Variants in MAPK6 observed in about 807,000 individuals in gnomAD.
MAPK6 encodes mitogen-activated protein kinase 6.
In MAPK6, 19 loss-of-function variants were observed where a neutral mutation model predicts 59.3. That is an observed-to-expected ratio of 0.32 (90% confidence interval 0.22 to 0.47). The LOEUF is 0.47. MAPK6 is among the 20% of genes least tolerant of loss of function. The pLI, the probability that MAPK6 is intolerant of heterozygous loss-of-function variation, is 1.00. For synonymous variants in MAPK6, 316 were observed against 290.3 expected (o/e 1.09, Z -0.90); for missense variants, 724 against 847.9 (o/e 0.85, Z 1.81).
chr15:51,999,845 T>A (rs1169772481), intron 2 of MAPK6, among the ~76,000 whole-genome samples: 1 of 152,030 alleles, frequency 6.6e-6, no homozygotes, highest in Admixed American at 6.6e-5. Context: ...GGTTTCACCA[T>A]GTTGCCTAGG....
chr15:52,040,679 C>T (rs989280781), intron 1 of MAPK6, among the ~76,000 whole-genome samples: 3 of 152,150 alleles, frequency 2.0e-5, no homozygotes, highest in African/African-American at 7.2e-5. Flanking sequence ...CTCCCAGTAC[C>T]AGCATTACTC....
chr15:51,998,022 C>A (rs2057230600), intron 2 of MAPK6, among the ~76,000 whole-genome samples: 2 of 151,920 alleles, frequency 1.3e-5, no homozygotes, highest in African/African-American at 4.8e-5. Flanking sequence ...CAGCTCACTG[C>A]AACCTCTACC....
chr15:51,972,035 G>T (rs1469083659), intron 1 of MAPK6, among the ~76,000 whole-genome samples: 1 of 152,100 alleles, frequency 6.6e-6, no homozygotes, highest in Non-Finnish European at 1.5e-5. Context: ...GGCGCTCTCT[G>T]GGGAAGGGCC....
chr15:51,972,205 C>T (rs1250033951), intron 1 of MAPK6, among the ~76,000 whole-genome samples: 3 of 152,150 alleles, frequency 2.0e-5, no homozygotes, highest in African/African-American at 4.8e-5. Context: ...GTGGCGCGAT[C>T]TCGGCTCACA....
intron 2 of MAPK6, among the ~76,000 whole-genome samples, chr15:51,986,499 G>A (rs1224863204): frequency 6.6e-6 from 1 of 151,872 alleles, no homozygotes; most frequent in African/African-American, 2.4e-5. Flanking sequence ...TTTATTTTTT[G>A]TTTGACTTTT....
At chr15:52,062,662 G>C (rs899486008) in intron 5 of MAPK6, among the ~76,000 whole-genome samples, 4 of 152,186 alleles carry the variant, frequency 2.6e-5, no homozygotes, top group Admixed American at 6.5e-5. Context: ...CTACTCAGGA[G>C]GCTGAGGCAG....
At chr15:52,008,841 G>C (rs1009639177) in intron 3 of MAPK6, among the ~76,000 whole-genome samples, 2 of 152,132 alleles carry the variant, frequency 1.3e-5, no homozygotes, top group African/African-American at 4.8e-5. Context: ...CCAGACCTAG[G>C]GGATTGCCAG....
At chr15:52,004,037 C>T (rs2057250313) in intron 2 of MAPK6, 1 of 152,210 alleles carries the variant, frequency 6.6e-6, no homozygotes, top group African/African-American at 2.4e-5. Flanking sequence ...TTCCCTATCT[C>T]CCTTTTCCTT....
chr15:51,977,355 G>A (rs993031836), intron 1 of MAPK6, among the ~76,000 whole-genome samples: 3 of 151,660 alleles, frequency 2.0e-5, no homozygotes, highest in South Asian at 2.1e-4. Context: ...AAAGGAAAGA[G>A]TAATGGTATC....
chr15:52,018,412 T>G (rs2030343552), upstream of MAPK6, among the ~76,000 whole-genome samples: 1 of 152,206 alleles, frequency 6.6e-6, no homozygotes, highest in Non-Finnish European at 1.5e-5. Context: ...TATGTCTGGT[T>G]CTCAGCAAGA....
chr15:51,980,317 G>A lies in MAPK6; in HGVS notation c.-879-2889G>A, dbSNP rs146215733. 3.4e-3 allele frequency among the ~76,000 whole-genome samples: 513 copies of A among 150,754 alleles called. 2 individuals are homozygous for A. Among genetic ancestry groups the A allele is most frequent in the African/African-American group, 0.012 (494 of 41,230 alleles). Reference sequence around the variant, plus strand: ...TTAAAAAAAAAAAAGAAAAAAAAATGTGGATACCAAAATGTCAGTAGTGTT... The same window carrying A: ...TTAAAAAAAAAAAAGAAAAAAAAATATGGATACCAAAATGTCAGTAGTGTT... On this transcript the variant is annotated intron_variant, in intron 1 of 7. Transcript: ENST00000691380.
At chr15:52,040,176 G>A (rs909645183) in intron 1 of MAPK6, among the ~76,000 whole-genome samples, 2 of 152,334 alleles carry the variant, frequency 1.3e-5, no homozygotes, top group South Asian at 4.1e-4. Flanking sequence ...ATGATCTCAG[G>A]GAAGGGTGAA....
chr15:52,026,478 A>G (rs763954605), intron 1 of MAPK6, among the ~76,000 whole-genome samples: 1 of 152,058 alleles, frequency 6.6e-6, no homozygotes, highest in East Asian at 2.0e-4. Flanking sequence ...TTTAGTAGAG[A>G]TGGGGTTTCA....
intron 1 of MAPK6, among the ~76,000 whole-genome samples, chr15:51,980,065 T>C (rs1198448493): frequency 6.6e-6 from 1 of 151,456 alleles, no homozygotes; most frequent in Non-Finnish European, 1.5e-5. Flanking sequence ...GAGGCCAAGG[T>C]GGGCAGATCA....
intron 3 of MAPK6, among the ~76,000 whole-genome samples, chr15:52,053,827 A>G (rs1224547074): frequency 4.6e-5 from 7 of 151,358 alleles, no homozygotes; most frequent in Non-Finnish European, 1.5e-5. Flanking sequence ...TTTAGTAGAG[A>G]CGGGGTTCAC....
intron 1 of MAPK6, among the ~76,000 whole-genome samples, chr15:52,031,476 G>A (rs1484638356): frequency 2.6e-5 from 4 of 152,130 alleles, no homozygotes; most frequent in Non-Finnish European, 5.9e-5. Flanking sequence ...TAGTGTAAGG[G>A]TATATGTCCA....
chr15:51,974,704 A>T (rs1283529514), intron 1 of MAPK6, among the ~76,000 whole-genome samples: 1 of 145,180 alleles, frequency 6.9e-6, no homozygotes, highest in Non-Finnish European at 1.5e-5. Flanking sequence ...ATTTGTTCCT[A>T]GGAATGGAGA....
At chr15:52,050,269 C>T (rs984869191) in intron 3 of MAPK6, 132 bp downstream of exon 3, 18 of 788,178 alleles carry the variant, frequency 2.3e-5, no homozygotes, top group Middle Eastern at 6.8e-4. Context: ...GATAAATTGG[C>T]GTTTTTAATA....
At position 52,067,056 on chromosome 15, in the gene MAPK6, T is replaced by C. The variant is rs1012830203; in HGVS notation, c.*2056T>C. 1 of 152,138 alleles carries C rather than the reference T, an allele frequency of 6.6e-6. No individual in the cohort carries two copies. The highest frequency in any genetic ancestry group is 2.4e-5 in the African/African-American group (1 of 41,426). The allele number at this position is 152,138 out of a possible 1,614,324, so 9.4% of individuals were successfully genotyped here. On this transcript the variant is annotated 3_prime_UTR_variant, in exon 6 of 6. Coordinates refer to ENST00000261845, the MANE Select transcript of MAPK6 (RefSeq NM_002748.4). ...CTGATCCTCCATTATAACCAATTTT[T>C]TGCAAACGTATGTTGATTTTGAGAA... is the stretch of plus-strand genomic sequence containing the variant.
Sources: allele counts gnomAD v4.1 joint callset (sites outside exome capture counted in the v4.1 genomes callset), GRCh38; gene constraint gnomAD v4.1.1; transcripts MANE v1.5; gene names NCBI Gene and HGNC (gene_info 2026-07-23, HGNC 2026-07-21).